Variants in GPRIN3 observed in about 807,000 individuals in gnomAD.
GPRIN3 encodes GPRIN family member 3.
Under a neutral mutation model 13.7 loss-of-function variants are expected in GPRIN3, and 12 were observed. That is an observed-to-expected ratio of 0.87 (90% CI 0.56 to 1.42). The LOEUF is 1.42. GPRIN3 is among the 40% of genes most tolerant of loss of function. GPRIN3 has a pLI of 0.00. For missense variants in GPRIN3, 1,009 were observed against 958.7 expected, an observed-to-expected ratio of 1.05 and a Z score of -0.69; for synonymous variants, 377 against 372.7, an observed-to-expected ratio of 1.01 and a Z score of -0.13.
At chr4:89,286,957 T>A (rs187913716) in intron 1 of GPRIN3, among the ~76,000 whole-genome samples, 31 of 152,304 alleles carry the variant, frequency 2.0e-4, no homozygotes, top group African/African-American at 7.5e-4. Context: ...TGCCTGTGAA[T>A]AGCCACTGCA....
At chr4:89,293,694 T>C (rs559463790) in intron 1 of GPRIN3, among the ~76,000 whole-genome samples, 2 of 152,364 alleles carry the variant, frequency 1.3e-5, no homozygotes, top group African/African-American at 4.8e-5. Context: ...TCAGCTCTAC[T>C]TCAAATCTAG....
In GPRIN3 at chr4:89,241,339, T is replaced by C. The variant is rs1387748084; in HGVS notation, c.*6441A>G. The C allele has an allele frequency of 6.6e-6, 1 of 152,128 alleles. No homozygotes were observed. Among genetic ancestry groups the C allele is most frequent in the Non-Finnish European group, 1.5e-5 (1 of 68,018 alleles). 9.4% of individuals were successfully genotyped at this position (152,128 alleles called of 1,614,324 possible). A position where few individuals can be genotyped will look rare whatever the true frequency, so the allele number is the denominator to read the frequency against. ...ACATATGCCTGCCTGAATACAGAAA[T>C]TGGCCTTTAAATGGGATACGACAAG... On this transcript the variant is annotated 3_prime_UTR_variant, in exon 2 of 2. Coordinates refer to ENST00000609438, the MANE Select transcript of GPRIN3 (RefSeq NM_198281.3).
intron 1 of GPRIN3, among the ~76,000 whole-genome samples, chr4:89,302,236 A>G (rs1724919125): frequency 6.6e-6 from 1 of 152,188 alleles, no homozygotes. Context: ...AAACTCTTGG[A>G]CATTGTCTTC....
chr4:89,303,098 C>T (rs1261633517), intron 1 of GPRIN3, among the ~76,000 whole-genome samples: 1 of 152,072 alleles, frequency 6.6e-6, no homozygotes, highest in East Asian at 1.9e-4. Flanking sequence ...AACTTTGTCT[C>T]TTCAGAATAA....
chr4:89,262,780 A>T (rs1323437593), intron 1 of GPRIN3, among the ~76,000 whole-genome samples: 1 of 151,794 alleles, frequency 6.6e-6, no homozygotes, highest in African/African-American at 2.4e-5. Context: ...AGACTTTCTG[A>T]CTCCTGTTTA....
At chr4:89,286,129 C>T (rs967684445) in intron 1 of GPRIN3, among the ~76,000 whole-genome samples, 1 of 149,182 alleles carries the variant, frequency 6.7e-6, no homozygotes, top group East Asian at 2.0e-4. Context: ...ACTAAGATGA[C>T]ATTAATTTGT....
Position 89,247,884 on chromosome 4 carries a change from T to C in GPRIN3, c.2227A>G (p.Lys743Glu). 1 of 1,614,220 alleles carries C rather than the reference T, an allele frequency of 6.2e-7. No homozygotes were observed. The highest frequency in any genetic ancestry group is 8.5e-7 in the Non-Finnish European group (1 of 1,180,014). Residue 743 changes from lysine to glutamate, a missense_variant, in exon 2 of 2, where the codon AAG becomes GAG. By Grantham distance (56) the Lys-to-Glu change is moderately conservative. Transcript: ENST00000609438. ...RSISSDTSSN[K>E]KLRGRQHSVF... is the part of the protein sequence containing the mutation. ...CTGTGCTGCCTTCCTCTGAGCTTCT[T>C]ATTTGAAGAAGTATCTGAGGAAATG...
chr4:89,276,386 A>T (rs1724094575), intron 1 of GPRIN3, among the ~76,000 whole-genome samples: 1 of 151,932 alleles, frequency 6.6e-6, no homozygotes, highest in African/African-American at 2.4e-5. Flanking sequence ...TTAATTACAG[A>T]CTCCTTTCAT....
At position 89,243,289 on chromosome 4, in the gene GPRIN3, A is replaced by G. The variant is rs1722994339; in HGVS notation, c.*4491T>C. ...TGTCTAAAATTTTGTAGACATCCTT[A>G]AGCCCATGTGTCTGGACAGATGACA... On this transcript the variant is annotated 3_prime_UTR_variant, in exon 2 of 2. Coordinates refer to ENST00000609438, the MANE Select transcript of GPRIN3 (RefSeq NM_198281.3). The G allele has an allele frequency of 6.6e-6, 1 of 152,192 alleles. No individual in the cohort carries two copies. 9.4% of individuals were successfully genotyped at this position (152,192 alleles called of 1,614,324 possible).
chr4:89,304,249 A>G (rs916004759), intron 1 of GPRIN3, among the ~76,000 whole-genome samples: 29 of 152,238 alleles, frequency 1.9e-4, no homozygotes, highest in African/African-American at 6.3e-4. Flanking sequence ...ATGCTTGTCT[A>G]TCAGATCTGT....
rs752224589 is a variant in GPRIN3 at position 89,248,056 on chromosome 4, C to T, written c.2055G>A (p.Val685=). ...LKQSKRVRDV[V]WDEQGMTWEV... is the part of the protein sequence containing the mutation. ...CCCAGGTCATTCCCTGCTCATCCCA[C>T]ACGACGTCCCTGACACGCTTGGACT... Residue 685 remains valine, a synonymous_variant, in exon 2 of 2, where the codon GTG becomes GTA. Coordinates refer to ENST00000609438, the MANE Select transcript of GPRIN3 (RefSeq NM_198281.3). 1.9e-6 allele frequency: 3 copies of T among 1,614,034 alleles called. No homozygotes were observed. Among genetic ancestry groups the T allele is most frequent in the Non-Finnish European group, 2.5e-6 (3 of 1,179,986 alleles).
intron 1 of GPRIN3, among the ~76,000 whole-genome samples, chr4:89,292,492 C>T (rs1421230481): frequency 6.6e-6 from 1 of 152,006 alleles, no homozygotes; most frequent in Non-Finnish European, 1.5e-5. Flanking sequence ...TTTTTTAGGT[C>T]AGAGAGAAGA....
At chr4:89,307,351 C>T (rs1725062366) in intron 1 of GPRIN3, among the ~76,000 whole-genome samples, 1 of 152,070 alleles carries the variant, frequency 6.6e-6, no homozygotes, top group Admixed American at 6.5e-5. Context: ...ATAAATTTCC[C>T]TGCCCACGAT....
rs764189611 is a variant in GPRIN3 at position 89,248,437 on chromosome 4, A to C, written c.1674T>G (p.Asp558Glu). The C allele has an allele frequency of 1.2e-6, 2 of 1,614,100 alleles. No individual in the cohort carries two copies. Among genetic ancestry groups the C allele is most frequent in the Admixed American group, 1.7e-5 (1 of 60,006 alleles). ...TAGGATTGAGCAGTAGGGTTTTGGC[A>C]TCCGAGGTATCAGTGCCAGTAGACT... ...EKESTGTDTS[D>E]AKTLLLNPKS... The change falls in exon 2 of 2, where the codon GAT becomes GAG. Residue 558 changes from aspartate (D) to glutamate (E), a missense_variant. Physicochemically the swap from Asp to Glu is conservative, Grantham distance 45 (BLOSUM62 2). Coordinates refer to ENST00000609438, the MANE Select transcript of GPRIN3 (RefSeq NM_198281.3).
At chr4:89,297,490 T>C (rs1199950416) in intron 1 of GPRIN3, among the ~76,000 whole-genome samples, 8 of 152,214 alleles carry the variant, frequency 5.3e-5, no homozygotes, top group Admixed American at 1.3e-4. Flanking sequence ...CCACTCATCA[T>C]CATTAATTCT....
Position 89,249,404 on chromosome 4 carries a change from T to C in GPRIN3, c.707A>G (p.Lys236Arg). The C allele has an allele frequency of 6.2e-7, 1 of 1,614,058 alleles. No homozygotes were observed. Among genetic ancestry groups the C allele is most frequent in the Non-Finnish European group, 8.5e-7 (1 of 1,180,002 alleles). The change falls in exon 2 of 2, where the codon AAA becomes AGA. Residue 236 changes from lysine (K) to arginine (R), a missense_variant. Coordinates refer to ENST00000609438, the MANE Select transcript of GPRIN3 (RefSeq NM_198281.3). ...ACATCCAGATTCTCTAGTTAGAGGT[T>C]TACAGGACCTCATTTCAGAGTCACA... is the stretch of plus-strand genomic sequence containing the variant. ...AICDSEMRSCKPLTRESGCSE... is the reference protein window; with the variant it reads ...AICDSEMRSCRPLTRESGCSE...
chr4:89,290,906 C>A lies in GPRIN3; in HGVS notation c.-124+16709G>T, dbSNP rs146050903. ...AGTGAGCACTCACTACTCCCACACA[C>A]GCTCACCAGATGGTGAACATAACAT... On this transcript the variant is annotated intron_variant, in intron 1 of 1. Transcript: ENST00000609438. 1.1e-3 allele frequency among the ~76,000 whole-genome samples: 160 copies of A among 152,308 alleles called. 3 individuals carry two copies. The East Asian group carries it at 0.029, about 28-fold the overall frequency.
chr4:89,295,625 G>T (rs749033672), intron 1 of GPRIN3, among the ~76,000 whole-genome samples: 1 of 152,108 alleles, frequency 6.6e-6, no homozygotes, highest in Admixed American at 6.5e-5. Flanking sequence ...ATAAGCCTGT[G>T]AATGAAGAAG....
intron 1 of GPRIN3, among the ~76,000 whole-genome samples, chr4:89,283,483 C>T (rs1724312082): frequency 6.6e-6 from 1 of 152,160 alleles, no homozygotes; most frequent in African/African-American, 2.4e-5. Flanking sequence ...TAAGTAATCA[C>T]ACAGATCATG....
Sources: gnomAD v4.1 joint callset for allele counts (sites outside exome capture counted in the v4.1 genomes callset) on GRCh38, gnomAD v4.1.1 for gene constraint, MANE v1.5 for transcripts, NCBI Gene and HGNC (gene_info 2026-07-23, HGNC 2026-07-21) for gene names.